AGXT2: variants seen among roughly 807,000 people sequenced by gnomAD.
The protein encoded by AGXT2 is alanine--glyoxylate aminotransferase 2.
A neutral mutation model predicts 62.5 loss-of-function variants in AGXT2; 61 were observed. That is an observed-to-expected ratio of 0.98 (90% confidence interval 0.79 to 1.21). The LOEUF (loss-of-function observed/expected upper bound fraction) is 1.21. Ranked by LOEUF, AGXT2 falls within the 50% of genes most tolerant of loss-of-function variation. The pLI is 0.00. For missense variants in AGXT2, 666 were observed against 641.5 expected (o/e 1.04, Z -0.41); for synonymous variants, 243 against 218.7 (o/e 1.11, Z -0.98).
At chr5:35,013,107 G>C in intron 10 of AGXT2, 62 bp from the exon 11 acceptor site, 2 of 1,417,684 alleles carry the variant, frequency 1.4e-6, no homozygotes, top group Non-Finnish European at 9.8e-7. Context: ...ATCTCTCATC[G>C]CGCCATTTGG....
At chr5:35,010,261 C>T (rs1046495036) in intron 11 of AGXT2, 112 bp from the exon 12 acceptor site, 8 of 1,330,840 alleles carry the variant, frequency 6.0e-6, no homozygotes, top group African/African-American at 4.3e-5. Flanking sequence ...AAACAGAATG[C>T]AGAACAAGTC....
In AGXT2 at chr5:35,033,492, T is replaced by A. The variant is rs111737830; in HGVS notation, c.643A>T (p.Met215Leu). 8.7e-6 allele frequency: 14 copies of A among 1,613,686 alleles called. No individual in the cohort carries two copies. Among genetic ancestry groups the A allele is most frequent in the African/African-American group, 1.3e-5 (1 of 75,026 alleles). ...CAACCTGTCCCACCAGGGAGTTCCA[T>A]CTTGTAGGTCCCTACGTTTGTCAAG... ...LGLTNVGTYK[M>L]ELPGGTGCQP... The change falls in exon 6 of 14, where the codon ATG becomes TTG. Residue 215 changes from methionine (M) to leucine (L), a missense_variant. Met to Leu is a conservative substitution (Grantham distance 15). Transcript: ENST00000231420.
chr5:35,041,223 CA>C lies in AGXT2; in HGVS notation c.89-561del, dbSNP rs3034208. 1.4e-3 allele frequency among the ~76,000 whole-genome samples: 74 copies of C among 51,404 alleles called. 1 individual carries two copies. The highest frequency in any genetic ancestry group is 5.9e-3 in the African/African-American group (66 of 11,116). 33.7% of individuals were successfully genotyped at this position (51,404 alleles called of 152,430 possible). A position where few individuals can be genotyped will look rare whatever the true frequency, so the allele number is the denominator to read the frequency against. ...CCCAGAAGACAAAACCTCCCCCCGC[CA>C]AAAAAAAAAAAAAAAAAAGGCTGCC... is the stretch of plus-strand genomic sequence containing the variant. On this transcript the variant is annotated intron_variant, in intron 1 of 13. Transcript: ENST00000231420.
Position 35,009,618 on chromosome 5 carries a change from A to C in AGXT2, c.1338+382T>G, listed in dbSNP as rs74662324. ...TCTCAACAACAACAACTCCTAATATATATTTAACCTCCTCACCCCAAACCT... is the reference window on the plus strand; with the variant it reads ...TCTCAACAACAACAACTCCTAATATCTATTTAACCTCCTCACCCCAAACCT... On this transcript the variant is annotated intron_variant, in intron 12 of 13. Transcript: ENST00000231420. Among the ~76,000 whole-genome samples the C allele has an allele frequency of 3.5e-3, 537 of 152,140 alleles. 1 individual carries two copies. The highest frequency in any genetic ancestry group is 5.7e-3 in the Non-Finnish European group (387 of 67,998).
intron 3 of AGXT2, 72 bp from the exon 4 acceptor site, chr5:35,037,137 A>G (rs1767807839): frequency 1.2e-6 from 2 of 1,604,092 alleles, no homozygotes. Flanking sequence ...TGGTCATTGG[A>G]CCCAAATATA....
At position 35,025,857 on chromosome 5, in the gene AGXT2, T is replaced by C. The variant is rs769694105; in HGVS notation, c.871-2A>G. ...GTACTGGACAACTCCATTCACACCCTGCAAAAGACCAGACCAAGAAGACCT... is the reference window on the plus strand; with the variant it reads ...GTACTGGACAACTCCATTCACACCCCGCAAAAGACCAGACCAAGAAGACCT... On this transcript the variant is annotated splice_acceptor_variant, in intron 8 of 13. Coordinates refer to ENST00000231420, the MANE Select transcript of AGXT2 (RefSeq NM_031900.4). LOFTEE classifies it high-confidence loss of function. 6.2e-7 allele frequency: 1 copy of C among 1,613,974 alleles called. No individual in the cohort carries two copies.
intron 1 of AGXT2, among the ~76,000 whole-genome samples, chr5:35,044,366 T>G (rs866873370): frequency 6.6e-6 from 1 of 152,218 alleles, no homozygotes; most frequent in African/African-American, 2.4e-5. Context: ...GGCCGCAGTC[T>G]GCAGCACGCT....
intron 7 of AGXT2, among the ~76,000 whole-genome samples, chr5:35,031,943 C>T (rs1176666164): frequency 1.8e-5 from 2 of 108,458 alleles, no homozygotes; most frequent in East Asian, 5.7e-4. Flanking sequence ...TGGGATCTTG[C>T]TTTTTTTTTT....
At chr5:35,003,966 C>CT (rs538869439) in intron 12 of AGXT2, 105 bp from the exon 13 acceptor site, 141 of 990,734 alleles carry the variant, frequency 1.4e-4, no homozygotes, top group East Asian at 4.8e-4. Flanking sequence ...CAATGCCCCT[C>CT]TTTTTTTTCT....
chr5:35,032,334 C>T (rs926829934), intron 7 of AGXT2, among the ~76,000 whole-genome samples: 51 of 150,922 alleles, frequency 3.4e-4, no homozygotes, highest in African/African-American at 1.1e-3. Context: ...CTCAAGCAAT[C>T]CTCCCACCTC....
rs143604132 is a variant in AGXT2 at position 35,024,063 on chromosome 5, T to C, written c.963+1700A>G. Among the ~76,000 whole-genome samples the C allele has an allele frequency of 3.2e-3, 491 of 152,152 alleles. 5 individuals are homozygous for C. Among genetic ancestry groups the C allele is most frequent in the African/African-American group, 0.011 (471 of 41,532 alleles). ...ATGCACTACCACACCCAGCTACTTT[T>C]TGTATTTTTAGTACAGATGGTGTTT... On this transcript the variant is annotated intron_variant, in intron 9 of 13. Coordinates refer to ENST00000231420, the MANE Select transcript of AGXT2 (RefSeq NM_031900.4).
intron 1 of AGXT2, among the ~76,000 whole-genome samples, chr5:35,044,266 G>T (rs1207135652): frequency 2.0e-5 from 3 of 152,158 alleles, no homozygotes; most frequent in Admixed American, 1.3e-4. Context: ...GACAGTGTCT[G>T]GTCGGTAGAG....
At chr5:35,028,987 C>T (rs531529592) in intron 7 of AGXT2, among the ~76,000 whole-genome samples, 1 of 152,302 alleles carries the variant, frequency 6.6e-6, no homozygotes, top group African/African-American at 2.4e-5. Flanking sequence ...TGAGGAAATA[C>T]TAGCTGGCCC....
chr5:35,007,946 T>C (rs1766494252), intron 12 of AGXT2, among the ~76,000 whole-genome samples: 1 of 152,074 alleles, frequency 6.6e-6, no homozygotes, highest in South Asian at 2.1e-4. Context: ...ACCCCTAATC[T>C]CTTGCTTTCT....
At chr5:35,024,935 A>C (rs989291654) in intron 9 of AGXT2, among the ~76,000 whole-genome samples, 2 of 152,042 alleles carry the variant, frequency 1.3e-5, no homozygotes, top group East Asian at 3.9e-4. Flanking sequence ...GCACCACTGC[A>C]CTCCAGCCTG....
chr5:35,001,536 C>G (rs1415817313), intron 13 of AGXT2, among the ~76,000 whole-genome samples: 1 of 152,162 alleles, frequency 6.6e-6, no homozygotes, highest in Non-Finnish European at 1.5e-5. Context: ...TTTCCTTTAT[C>G]TGTAAAATAA....
At chr5:35,020,828 T>C (rs537148066) in intron 9 of AGXT2, among the ~76,000 whole-genome samples, 4 of 152,102 alleles carry the variant, frequency 2.6e-5, no homozygotes, top group South Asian at 4.2e-4. Context: ...AAAACCCCAT[T>C]GTCTCAGCCC....
intron 9 of AGXT2, among the ~76,000 whole-genome samples, chr5:35,023,759 A>C (rs1205370729): frequency 6.6e-6 from 1 of 152,226 alleles, no homozygotes; most frequent in Non-Finnish European, 1.5e-5. Context: ...CCTGTGGTAC[A>C]CCAGGGACAT....
chr5:35,025,949 G>A lies in AGXT2; in HGVS notation c.871-94C>T, dbSNP rs184977991. The A allele has an allele frequency of 1.7e-4, 184 of 1,052,738 alleles. No individual in the cohort carries two copies. In the African/African-American group the frequency reaches 2.7e-3, roughly 15 times the overall value. 65.2% of individuals were successfully genotyped at this position (1,052,738 alleles called of 1,614,324 possible). On this transcript the variant is annotated intron_variant, in intron 8 of 13. Transcript: ENST00000231420. ...AGATCATCATTATCATCATTATCAT[G>A]ACAGTAACACTAGCAATTTTAACAA...
Sources: gnomAD v4.1 joint callset for allele counts (sites outside exome capture counted in the v4.1 genomes callset) on GRCh38, gnomAD v4.1.1 for gene constraint, MANE v1.5 for transcripts, NCBI Gene and HGNC (gene_info 2026-07-23, HGNC 2026-07-21) for gene names.